ZBTB7C: variants seen among roughly 807,000 people sequenced by gnomAD.
The protein encoded by ZBTB7C is zinc finger and BTB domain-containing protein 7C.
A neutral mutation model predicts 25.7 loss-of-function variants in ZBTB7C; 8 were observed. That is an observed-to-expected ratio of 0.31 (90% CI 0.18 to 0.56). ZBTB7C has a LOEUF of 0.56. Ranked by LOEUF, ZBTB7C falls within the 20% of genes least tolerant of loss-of-function variation. ZBTB7C has a pLI of 0.91. For missense variants in ZBTB7C, 824 were observed against 855.2 expected (o/e 0.96, Z 0.46); for synonymous variants, 394 against 369.0 (o/e 1.07, Z -0.78).
chr18:48,136,931 C>T, intron 3 of ZBTB7C: 1 of 966,482 alleles, frequency 1.0e-6, no homozygotes, highest in Non-Finnish European at 1.2e-6. Context: ...CCCACCCCCT[C>T]CCCACGGCCC....
intron 2 of ZBTB7C, among the ~76,000 whole-genome samples, chr18:48,302,591 G>A (rs1161001114): frequency 6.6e-6 from 1 of 152,194 alleles, no homozygotes; most frequent in African/African-American, 2.4e-5. Flanking sequence ...ATGTTCAATA[G>A]AGAGCTAGCT....
intron 2 of ZBTB7C, among the ~76,000 whole-genome samples, chr18:48,285,574 G>C (rs2045019376): frequency 6.6e-6 from 1 of 152,062 alleles, no homozygotes; most frequent in African/African-American, 2.4e-5. Context: ...CTAGTCTTGA[G>C]CTCTTGGGCT....
At chr18:48,058,625 C>T (rs1402699785) in intron 3 of ZBTB7C, among the ~76,000 whole-genome samples, 1 of 152,206 alleles carries the variant, frequency 6.6e-6, no homozygotes, top group Non-Finnish European at 1.5e-5. Context: ...GAGTGGCAGC[C>T]AGCCTCCGGA....
intron 2 of ZBTB7C, among the ~76,000 whole-genome samples, chr18:48,220,812 C>T (rs775393883): frequency 3.3e-5 from 5 of 152,104 alleles, no homozygotes; most frequent in Non-Finnish European, 5.9e-5. Context: ...GCAGCAAAAA[C>T]GGAGGCACAG....
intron 3 of ZBTB7C, among the ~76,000 whole-genome samples, chr18:48,166,506 T>C (rs528274554): frequency 7.9e-4 from 121 of 152,246 alleles, no homozygotes; most frequent in Middle Eastern, 6.8e-3. Context: ...AGGAATGCCG[T>C]TGGGGTGGGA....
intron 3 of ZBTB7C, among the ~76,000 whole-genome samples, chr18:48,082,256 A>C (rs1320485991): frequency 6.6e-6 from 1 of 152,202 alleles, no homozygotes; most frequent in Admixed American, 6.5e-5. Flanking sequence ...GGGCAACAGA[A>C]TGTAAGAACA....
Position 48,029,644 on chromosome 18 carries a change from G to A in ZBTB7C, c.1476C>T (p.Leu492=), listed in dbSNP as rs2035653969. 3.3e-6 allele frequency: 5 copies of A among 1,538,336 alleles called. No homozygotes were observed. The African/African-American group carries it at 4.1e-5, about 13-fold the overall frequency. The change falls in exon 5 of 5, where the codon CTC becomes CTT. Residue 492 remains leucine (L), a synonymous_variant. Transcript: ENST00000590800. ...CGGGGGCCGGGCCGCCGGGCCCGAAGAGCAGGCTGGCGGCCCTCCACGCAG... is the reference window on the plus strand; with the variant it reads ...CGGGGGCCGGGCCGCCGGGCCCGAAAAGCAGGCTGGCGGCCCTCCACGCAG... The part of the protein sequence containing the change: ...KPAAWRAASL[L]FGPGGPAPDK...
chr18:48,167,566 GT>G (rs1406840846), intron 3 of ZBTB7C, among the ~76,000 whole-genome samples: 10 of 115,840 alleles, frequency 8.6e-5, no homozygotes, highest in East Asian at 6.4e-4. Context: ...TTGCTAGGGT[GT>G]GTGTGTGTGT....
chr18:48,089,412 C>T (rs2038323039), intron 3 of ZBTB7C, among the ~76,000 whole-genome samples: 1 of 149,438 alleles, frequency 6.7e-6, no homozygotes, highest in South Asian at 2.1e-4. Flanking sequence ...GCGGAGGGTG[C>T]AGAGAGCCGA....
chr18:48,181,559 G>A (rs772606315), intron 3 of ZBTB7C, among the ~76,000 whole-genome samples: 6 of 152,140 alleles, frequency 3.9e-5, no homozygotes, highest in Admixed American at 6.5e-5. Context: ...TGACAATGAC[G>A]GTGAATCAGG....
chr18:48,076,918 C>T (rs2037786408), intron 3 of ZBTB7C: 2 of 984,776 alleles, frequency 2.0e-6, no homozygotes, highest in African/African-American at 1.7e-5. Context: ...AAGGAAGAAG[C>T]TTCAAATAAG....
intron 1 of ZBTB7C, among the ~76,000 whole-genome samples, chr18:48,381,822 T>C (rs1387939767): frequency 6.6e-6 from 1 of 152,194 alleles, no homozygotes; most frequent in Admixed American, 6.5e-5. Flanking sequence ...TTGGGACATG[T>C]CCATTTTCTT....
chr18:48,270,422 G>A (rs112949390), intron 2 of ZBTB7C, among the ~76,000 whole-genome samples: 8,911 of 151,278 alleles, frequency 0.059, 493 homozygotes, highest in East Asian at 0.17. Flanking sequence ...ATGGCTGGAC[G>A]CAGTGGCTTA....
chr18:48,314,976 G>C (rs192510490), intron 2 of ZBTB7C, among the ~76,000 whole-genome samples: 7 of 152,296 alleles, frequency 4.6e-5, no homozygotes, highest in Non-Finnish European at 1.0e-4. Context: ...AGCCCCTTCG[G>C]ATGAAAGGAG....
chr18:48,152,372 T>G (rs911624571), intron 3 of ZBTB7C, among the ~76,000 whole-genome samples: 1 of 152,228 alleles, frequency 6.6e-6, no homozygotes, highest in African/African-American at 2.4e-5. Context: ...ACTAGAACTA[T>G]AATTTGTTCG....
intron 2 of ZBTB7C, among the ~76,000 whole-genome samples, chr18:48,299,729 G>A (rs576533515): frequency 6.6e-5 from 10 of 152,380 alleles, no homozygotes; most frequent in African/African-American, 1.2e-4. Context: ...GAATATGCCA[G>A]GCAGAGCGCA....
chr18:48,387,288 GC>G (rs2047771152), intron 1 of ZBTB7C, among the ~76,000 whole-genome samples: 1 of 152,206 alleles, frequency 6.6e-6, no homozygotes, highest in South Asian at 2.1e-4. Context: ...GGTAAAGTGT[GC>G]CGAATAGCAT....
intron 2 of ZBTB7C, among the ~76,000 whole-genome samples, chr18:48,317,596 G>A (rs1392596141): frequency 1.3e-5 from 2 of 152,200 alleles, no homozygotes; most frequent in Non-Finnish European, 2.9e-5. Flanking sequence ...TTGGCTGACT[G>A]GATAGGTTCC....
chr18:48,370,248 A>T (rs1040878279), intron 1 of ZBTB7C, among the ~76,000 whole-genome samples: 2 of 152,228 alleles, frequency 1.3e-5, no homozygotes, highest in East Asian at 3.8e-4. Flanking sequence ...AAAAAAGAAC[A>T]AACTATTGAT....
Sources: allele counts gnomAD v4.1 joint callset (sites outside exome capture counted in the v4.1 genomes callset), GRCh38; gene constraint gnomAD v4.1.1; transcripts MANE v1.5; gene names NCBI Gene and HGNC (gene_info 2026-07-23, HGNC 2026-07-21).